Variants in FABP7 observed in about 807,000 individuals in gnomAD.
The protein encoded by FABP7 is fatty acid-binding protein, brain.
Under a neutral mutation model 14.2 loss-of-function variants are expected in FABP7, and 13 were observed. That is an observed-to-expected ratio of 0.91 (90% CI 0.59 to 1.45). The LOEUF (loss-of-function observed/expected upper bound fraction) is 1.45, where lower values mean the gene tolerates loss of function less well. Among genes scored for constraint, FABP7 ranks in the 40% most tolerant of loss-of-function variants. The probability of loss-of-function intolerance (pLI) is 0.00; values close to 1 mark genes in which losing one functional copy is unlikely to be tolerated. For synonymous variants in FABP7, 49 were observed against 51.4 expected (o/e 0.95, Z 0.20); for missense variants, 149 against 157.6 (o/e 0.95, Z 0.29).
intron 3 of FABP7, chr6:122,782,356 C>A: frequency 4.0e-6 from 2 of 504,824 alleles, no homozygotes; most frequent in Non-Finnish European, 5.1e-6. Flanking sequence ...CCCTCCCTTG[C>A]TTCTTCCTAC....
the FABP7 span, among the ~76,000 whole-genome samples, chr6:122,754,128 A>G: frequency 1.3e-5 from 2 of 152,088 alleles, no homozygotes; most frequent in Admixed American, 1.3e-4. Flanking sequence ...AGGTACCATT[A>G]TCAGCTCACA....
At chr6:122,782,300 C>T (rs1006109964) in intron 3 of FABP7, 55 of 720,782 alleles carry the variant, frequency 7.6e-5, no homozygotes, top group South Asian at 2.5e-4. Context: ...GAAAGCTGGA[C>T]GCCTGAGATC....
At chr6:122,756,767 G>A in the FABP7 span, among the ~76,000 whole-genome samples, 1 of 152,214 alleles carries the variant, frequency 6.6e-6, no homozygotes, top group African/African-American at 2.4e-5. Context: ...CCAGTCTGAA[G>A]ATCAACTCTA....
the FABP7 span, among the ~76,000 whole-genome samples, chr6:122,753,423 C>G: frequency 7.2e-6 from 1 of 138,088 alleles, no homozygotes; most frequent in Non-Finnish European, 1.6e-5. Context: ...CGCTCACACT[C>G]AGTCTCATCA....
chr6:122,757,074 T>C, the FABP7 span, among the ~76,000 whole-genome samples: 1 of 152,208 alleles, frequency 6.6e-6, no homozygotes, highest in Admixed American at 6.5e-5. Context: ...AGATCAATCA[T>C]ATCTTCTGGT....
intron 1 of FABP7, 91 bp downstream of exon 1, chr6:122,779,958 G>A (rs1780742169): frequency 8.0e-7 from 1 of 1,243,156 alleles, no homozygotes; most frequent in Non-Finnish European, 1.2e-6. Flanking sequence ...TCAGCAAGAG[G>A]CAAAGACAGA....
upstream of FABP7, among the ~76,000 whole-genome samples, chr6:122,776,864 T>A (rs894093498): frequency 6.6e-6 from 1 of 152,234 alleles, no homozygotes; most frequent in African/African-American, 2.4e-5. Flanking sequence ...CTGGTACAGA[T>A]ATCTGTATGG....
Position 122,783,971 on chromosome 6 carries a change from T to C in FABP7, c.*204T>C. ...ATTTATCATGTTTTATAATTTGAAT[T>C]AAAGTTTTGTCCCCCCCCCCCTTTT... On this transcript the variant is annotated 3_prime_UTR_variant, in exon 4 of 4. Transcript: ENST00000368444. The C allele has an allele frequency of 2.5e-6, 1 of 397,562 alleles. No homozygotes were observed. Among genetic ancestry groups the C allele is most frequent in the Non-Finnish European group, 4.2e-6 (1 of 235,818 alleles). 24.6% of individuals were successfully genotyped at this position (397,562 alleles called of 1,614,324 possible). A position where few individuals can be genotyped will look rare whatever the true frequency, so the allele number is the denominator to read the frequency against.
the FABP7 span, among the ~76,000 whole-genome samples, chr6:122,753,370 A>T: frequency 3.3e-5 from 5 of 152,134 alleles, no homozygotes; most frequent in Non-Finnish European, 7.4e-5. Flanking sequence ...CTTTACATAG[A>T]CTTCTGTGCA....
rs1780733337 is a variant in FABP7, at chr6:122,779,722, G to C, written c.-73G>C. 1 of 1,435,542 alleles carries C rather than the reference G, an allele frequency of 7.0e-7. No individual in the cohort carries two copies. The highest frequency in any genetic ancestry group is 9.8e-7 in the Non-Finnish European group (1 of 1,023,228). The allele number at this position is 1,435,542 out of a possible 1,614,324, so 88.9% of individuals were successfully genotyped here. Reference sequence around the variant, plus strand: ...AGGAGCTGCTTGCTGAGGTGTAAAGGGTCTTCTGAGCTGCAGTGGCAATTA... The same window carrying C: ...AGGAGCTGCTTGCTGAGGTGTAAAGCGTCTTCTGAGCTGCAGTGGCAATTA... On this transcript the variant is annotated 5_prime_UTR_variant, in exon 1 of 4. Transcript: ENST00000368444.
the FABP7 span, among the ~76,000 whole-genome samples, chr6:122,766,815 C>T: frequency 1.3e-5 from 2 of 151,840 alleles, no homozygotes; most frequent in South Asian, 4.2e-4. Context: ...AAATATTAAA[C>T]TGGAAAGGAG....
chr6:122,753,858 A>C, the FABP7 span, among the ~76,000 whole-genome samples: 1 of 138,562 alleles, frequency 7.2e-6, no homozygotes, highest in Non-Finnish European at 1.5e-5. Context: ...GGTAGCTGGC[A>C]ATCAGTCTGA....
the FABP7 span, among the ~76,000 whole-genome samples, chr6:122,756,481 G>A: frequency 1.3e-5 from 2 of 152,048 alleles, no homozygotes; most frequent in African/African-American, 4.8e-5. Context: ...CAACATATAT[G>A]CATCTGTAGC....
the FABP7 span, among the ~76,000 whole-genome samples, chr6:122,766,178 T>C: frequency 6.6e-6 from 1 of 152,184 alleles, no homozygotes; most frequent in Non-Finnish European, 1.5e-5. Context: ...GGATATTTTC[T>C]ACACCTATTG....
At chr6:122,781,491 A>C in intron 3 of FABP7, 2 of 1,374,034 alleles carry the variant, frequency 1.5e-6, no homozygotes, top group Non-Finnish European at 1.9e-6. Flanking sequence ...GATTTTTTGT[A>C]GGATAACTAT....
rs1582518367 is a variant in FABP7, at chr6:122,779,830, C to T, written c.36C>T (p.Thr12=). 5.0e-6 allele frequency: 8 copies of T among 1,614,064 alleles called. No individual in the cohort carries two copies. The highest frequency in any genetic ancestry group is 6.8e-6 in the Non-Finnish European group (8 of 1,180,012). Residue 12 remains threonine, a synonymous_variant, in exon 1 of 4, where the codon ACC becomes ACT. Transcript: ENST00000368444. ...VEAFCATWKL[T]NSQNFDEYMK... Reference sequence around the variant, plus strand: ...CTTTCTGTGCTACCTGGAAGCTGACCAACAGTCAGAACTTTGATGAGTACA... The same window carrying T: ...CTTTCTGTGCTACCTGGAAGCTGACTAACAGTCAGAACTTTGATGAGTACA...
intron 3 of FABP7, 133 bp from the exon 4 acceptor site, chr6:122,783,584 T>C: frequency 7.1e-7 from 1 of 1,403,592 alleles, no homozygotes; most frequent in Non-Finnish European, 9.2e-7. Flanking sequence ...AGATGTGAAA[T>C]GCTTATGCAG....
At chr6:122,751,230 T>C in the FABP7 span, among the ~76,000 whole-genome samples, 1 of 152,246 alleles carries the variant, frequency 6.6e-6, no homozygotes, top group Admixed American at 6.5e-5. Flanking sequence ...GTGAGTACTA[T>C]AGTGGTATTT....
In FABP7 at chr6:122,783,992, C is replaced by A. The variant is rs200830892; in HGVS notation, c.*225C>A. 1.0e-5 allele frequency: 2 copies of A among 193,756 alleles called. No individual in the cohort carries two copies. Among genetic ancestry groups the A allele is most frequent in the Non-Finnish European group, 1.8e-5 (2 of 112,786 alleles). The allele number at this position is 193,756 out of a possible 1,614,324, so 12.0% of individuals were successfully genotyped here. ...GAATTAAAGTTTTGTCCCCCCCCCC[C>A]TTTTTTTTATAAACAAGTGAATACA... On this transcript the variant is annotated 3_prime_UTR_variant, in exon 4 of 4. Coordinates refer to ENST00000368444, the MANE Select transcript of FABP7 (RefSeq NM_001446.5).
Sources: gnomAD v4.1 joint callset for allele counts (sites outside exome capture counted in the v4.1 genomes callset) on GRCh38, gnomAD v4.1.1 for gene constraint, MANE v1.5 for transcripts, NCBI Gene and HGNC (gene_info 2026-07-23, HGNC 2026-07-21) for gene names.